The following SMAD3 variants were observed in gnomAD, a reference collection of about 807,000 sequenced individuals.
SMAD3 encodes the protein SMAD family member 3.
A neutral mutation model predicts 51.8 loss-of-function variants in SMAD3; 12 were observed. That is an observed-to-expected ratio of 0.23 (90% CI 0.15 to 0.38). SMAD3 has a LOEUF of 0.38. Ranked by LOEUF, SMAD3 falls within the 10% of genes least tolerant of loss-of-function variation. SMAD3 has a pLI of 1.00. For missense variants in SMAD3, 294 were observed against 565.6 expected (o/e 0.52, Z 4.87); for synonymous variants, 238 against 227.7 (o/e 1.05, Z -0.41).
At chr15:67,157,403 A>G (rs1220148696) in intron 1 of SMAD3, among the ~76,000 whole-genome samples, 3 of 152,212 alleles carry the variant, frequency 2.0e-5, no homozygotes, top group African/African-American at 4.8e-5. Context: ...TCTCCCATGT[A>G]TCAGCCCTGG....
At chr15:67,160,964 G>C (rs994841453) in intron 1 of SMAD3, among the ~76,000 whole-genome samples, 1 of 151,550 alleles carries the variant, frequency 6.6e-6, no homozygotes, top group African/African-American at 2.4e-5. Context: ...ATCTTGATGC[G>C]GTCTGATTTT....
chr15:67,131,315 C>T (rs1961519456), intron 1 of SMAD3, among the ~76,000 whole-genome samples: 1 of 152,168 alleles, frequency 6.6e-6, no homozygotes, highest in East Asian at 1.9e-4. Context: ...GACCTCAGAA[C>T]CAAGAGGCTT....
intron 1 of SMAD3, among the ~76,000 whole-genome samples, chr15:67,164,128 AG>A (rs1483539028): frequency 6.6e-6 from 1 of 151,604 alleles, no homozygotes; most frequent in Admixed American, 6.6e-5. Flanking sequence ...TGGCTCACAC[AG>A]TGAAACCACG....
intron 1 of SMAD3, among the ~76,000 whole-genome samples, chr15:67,134,047 A>G (rs1441769255): frequency 6.6e-6 from 1 of 152,094 alleles, no homozygotes; most frequent in Admixed American, 6.5e-5. Context: ...AGTACTCCTC[A>G]TTAGAGGAAA....
intron 1 of SMAD3, among the ~76,000 whole-genome samples, chr15:67,164,317 A>G (rs887041385): frequency 4.9e-4 from 11 of 22,322 alleles, no homozygotes; most frequent in East Asian, 1.1e-3. Context: ...TCCGTCTCAG[A>G]AAAAAAAAAA....
Position 67,093,418 on chromosome 15 carries a change from A to C in SMAD3, c.206+27058A>C, listed in dbSNP as rs574070061. Among the ~76,000 whole-genome samples the C allele has an allele frequency of 2.6e-5, 4 of 152,258 alleles. No individual in the cohort carries two copies. In the South Asian group the frequency reaches 8.3e-4, roughly 32 times the overall value. Reference sequence around the variant, plus strand: ...TCCACTGCCAGTGCAGGGGTGCATAATCAGGATTTGCCAGTGGAGGTAGGA... The same window carrying C: ...TCCACTGCCAGTGCAGGGGTGCATACTCAGGATTTGCCAGTGGAGGTAGGA... On this transcript the variant is annotated intron_variant, in intron 1 of 8. Coordinates refer to ENST00000327367, the MANE Select transcript of SMAD3 (RefSeq NM_005902.4).
intron 1 of SMAD3, among the ~76,000 whole-genome samples, chr15:67,118,850 C>T (rs1961194160): frequency 6.6e-6 from 1 of 152,188 alleles, no homozygotes; most frequent in South Asian, 2.1e-4. Context: ...CTAACTTTTC[C>T]TCTTTGTGTC....
intron 1 of SMAD3, among the ~76,000 whole-genome samples, chr15:67,115,292 G>A (rs1449432127): frequency 2.0e-5 from 3 of 151,790 alleles, no homozygotes; most frequent in East Asian, 3.9e-4. Context: ...ACCCACACCC[G>A]CAGATTTTGT....
intron 1 of SMAD3, among the ~76,000 whole-genome samples, chr15:67,096,214 G>A (rs921913513): frequency 6.6e-6 from 1 of 152,148 alleles, no homozygotes; most frequent in African/African-American, 2.4e-5. Context: ...ACGGAAGAAG[G>A]GAAAGGAAAG....
intron 1 of SMAD3, among the ~76,000 whole-genome samples, chr15:67,157,215 G>A (rs1159040253): frequency 6.6e-6 from 1 of 152,264 alleles, no homozygotes; most frequent in African/African-American, 2.4e-5. Context: ...TTCAACTGAA[G>A]TGTGATAATG....
At chr15:67,121,632 A>G (rs1290102467) in intron 1 of SMAD3, among the ~76,000 whole-genome samples, 1 of 152,172 alleles carries the variant, frequency 6.6e-6, no homozygotes, top group Admixed American at 6.5e-5. Context: ...TGTGAAGAAA[A>G]CAAAACAGAC....
chr15:67,159,614 A>C (rs951769582), intron 1 of SMAD3, among the ~76,000 whole-genome samples: 1 of 152,010 alleles, frequency 6.6e-6, no homozygotes, highest in Non-Finnish European at 1.5e-5. Flanking sequence ...CATAACCTTT[A>C]CCCCCAAAAA....
chr15:67,102,468 G>A (rs535852470), intron 1 of SMAD3, among the ~76,000 whole-genome samples: 1 of 152,166 alleles, frequency 6.6e-6, no homozygotes, highest in East Asian at 1.9e-4. Flanking sequence ...TTTAGAAAGT[G>A]TGCCTTCCAC....
chr15:67,121,214 G>A (rs897457704), intron 1 of SMAD3, among the ~76,000 whole-genome samples: 1 of 152,182 alleles, frequency 6.6e-6, no homozygotes, highest in African/African-American at 2.4e-5. Context: ...GTCACCCTCC[G>A]GCGTGGAGCC....
chr15:67,095,056 T>G (rs945642853), intron 1 of SMAD3, among the ~76,000 whole-genome samples: 2 of 152,122 alleles, frequency 1.3e-5, no homozygotes, highest in Admixed American at 1.3e-4. Context: ...TACAAGGCAT[T>G]GCTTAGTGTT....
At chr15:67,168,218 G>C (rs890804791) in intron 4 of SMAD3, among the ~76,000 whole-genome samples, 6 of 152,210 alleles carry the variant, frequency 3.9e-5, no homozygotes, top group African/African-American at 9.7e-5. Context: ...ACCTCCCAAA[G>C]TGCTGGGATT....
chr15:67,096,126 A>G (rs755097758), intron 1 of SMAD3, among the ~76,000 whole-genome samples: 4 of 152,224 alleles, frequency 2.6e-5, no homozygotes, highest in African/African-American at 4.8e-5. Flanking sequence ...AAGAAACATC[A>G]ACGACCAAAG....
intron 1 of SMAD3, among the ~76,000 whole-genome samples, chr15:67,150,466 C>A (rs1241111082): frequency 6.7e-6 from 1 of 149,812 alleles, no homozygotes; most frequent in Non-Finnish European, 1.5e-5. Context: ...CTGTGAGAAT[C>A]TTTTCCAGGA....
At chr15:67,134,713 C>G (rs2140256620) in intron 1 of SMAD3, among the ~76,000 whole-genome samples, 1 of 152,334 alleles carries the variant, frequency 6.6e-6, no homozygotes, top group South Asian at 2.1e-4. Flanking sequence ...CTCAAAGACT[C>G]TGAAGTCCAG....
Sources: gnomAD v4.1 joint callset for allele counts (sites outside exome capture counted in the v4.1 genomes callset) on GRCh38, gnomAD v4.1.1 for gene constraint, MANE v1.5 for transcripts, NCBI Gene and HGNC (gene_info 2026-07-23, HGNC 2026-07-21) for gene names.